The following NINL variants were observed in gnomAD, a reference collection of about 807,000 sequenced individuals.
NINL encodes the protein ninein-like protein.
Under a neutral mutation model 160.3 loss-of-function variants are expected in NINL, and 153 were observed. The observed-to-expected ratio is 0.95, with a 90% CI of 0.84 to 1.09. NINL has a LOEUF of 1.09. Ranked by LOEUF, NINL falls within the 50% of genes least tolerant of loss-of-function variation. The pLI is 0.00. For synonymous variants in NINL, 800 were observed against 734.8 expected (o/e 1.09, Z -1.43); for missense variants, 1,829 against 1,764.0 (o/e 1.04, Z -0.66).
intron 19 of NINL, among the ~76,000 whole-genome samples, chr20:25,464,696 C>G (rs1021790340): frequency 5.3e-5 from 8 of 152,288 alleles, no homozygotes; most frequent in African/African-American, 1.7e-4. Flanking sequence ...CCTTGATGTC[C>G]CCACACTTCA....
intron 1 of NINL, among the ~76,000 whole-genome samples, chr20:25,527,697 G>A (rs991298540): frequency 5.9e-5 from 9 of 152,134 alleles, no homozygotes; most frequent in African/African-American, 9.7e-5. Context: ...TATGCTATTT[G>A]TAACTGTCAA....
In NINL at chr20:25,585,208, C is replaced by G. The variant is rs1380017937; in HGVS notation, c.-12+247G>C. On this transcript the variant is annotated intron_variant, in intron 1 of 23. Coordinates refer to ENST00000278886, the MANE Select transcript of NINL (RefSeq NM_025176.6). ...CGCCGCCGTCGGGAAACCGGGTTTT[C>G]AAGCGTTCGGCCCAGCGGGCGCTGT... Among the ~76,000 whole-genome samples, 7 of 152,314 alleles carry G rather than the reference C, an allele frequency of 4.6e-5. No individual in the cohort carries two copies. In the East Asian group the frequency reaches 1.2e-3, roughly 25 times the overall value.
At chr20:25,558,886 T>G (rs1432014415) in intron 1 of NINL, among the ~76,000 whole-genome samples, 9 of 152,220 alleles carry the variant, frequency 5.9e-5, no homozygotes, top group Non-Finnish European at 1.2e-4. Flanking sequence ...AACAGACACT[T>G]GCAGATTCAA....
chr20:25,533,932 G>C (rs1001162109), intron 1 of NINL, among the ~76,000 whole-genome samples: 1 of 152,204 alleles, frequency 6.6e-6, no homozygotes, highest in Non-Finnish European at 1.5e-5. Flanking sequence ...TCTTAGATAT[G>C]TCACTAAAAG....
chr20:25,455,060 C>A (rs1320189720), intron 23 of NINL, among the ~76,000 whole-genome samples: 1 of 152,164 alleles, frequency 6.6e-6, no homozygotes, highest in Non-Finnish European at 1.5e-5. Context: ...TCCTCCATGG[C>A]TGTCCGCTGC....
chr20:25,462,330 C>T, intron 20 of NINL, 53 bp downstream of exon 20: 6 of 1,411,924 alleles, frequency 4.2e-6, no homozygotes, highest in Non-Finnish European at 5.8e-6. Context: ...AGCCGCCTCC[C>T]CACCCTGAGC....
At chr20:25,495,500 A>G (rs2063734381) in intron 10 of NINL, among the ~76,000 whole-genome samples, 2 of 152,124 alleles carry the variant, frequency 1.3e-5, no homozygotes, top group African/African-American at 2.4e-5. Flanking sequence ...CCAAGAACCC[A>G]AGGGCGTGGG....
chr20:25,470,843 A>G, intron 17 of NINL, among the ~76,000 whole-genome samples: 1 of 152,168 alleles, frequency 6.6e-6, no homozygotes, highest in Non-Finnish European at 1.5e-5. Context: ...AAAACAAAAA[A>G]GATCACCAGT....
At chr20:25,558,920 C>T (rs868031834) in intron 1 of NINL, among the ~76,000 whole-genome samples, 1 of 152,340 alleles carries the variant, frequency 6.6e-6, no homozygotes. Flanking sequence ...AATATCAAGC[C>T]GCAGAAGCGA....
intron 13 of NINL, among the ~76,000 whole-genome samples, chr20:25,485,522 C>T (rs1007795694): frequency 6.6e-6 from 1 of 152,198 alleles, no homozygotes; most frequent in Non-Finnish European, 1.5e-5. Flanking sequence ...ATATGACCCT[C>T]GGATGCTAAA....
In NINL at chr20:25,583,797, A is replaced by C. The variant is rs796778075; in HGVS notation, c.-12+1658T>G. ...CACCATGGAATACTACGTAGCCATA[A>C]AAAAGAATGAGTTCATGTCCTTTGC... On this transcript the variant is annotated intron_variant, in intron 1 of 23. Coordinates refer to ENST00000278886, the MANE Select transcript of NINL (RefSeq NM_025176.6). Among the ~76,000 whole-genome samples, 61 of 152,362 alleles carry C rather than the reference A, an allele frequency of 4.0e-4. 1 individual carries two copies. Among genetic ancestry groups the C allele is most frequent in the African/African-American group, 1.4e-3 (58 of 41,586 alleles).
At chr20:25,509,188 T>C (rs1367194115) in intron 5 of NINL, among the ~76,000 whole-genome samples, 2 of 152,100 alleles carry the variant, frequency 1.3e-5, no homozygotes, top group Non-Finnish European at 1.5e-5. Context: ...AGCCACCAGG[T>C]GAGACAGTTG....
At chr20:25,528,384 T>C (rs1488204419) in intron 1 of NINL, among the ~76,000 whole-genome samples, 3 of 152,106 alleles carry the variant, frequency 2.0e-5, no homozygotes, top group Non-Finnish European at 2.9e-5. Flanking sequence ...TGTAGAAGAA[T>C]AAAAACTTTA....
At chr20:25,560,942 A>C (rs763551031) in intron 1 of NINL, among the ~76,000 whole-genome samples, 17 of 151,784 alleles carry the variant, frequency 1.1e-4, no homozygotes, top group Non-Finnish European at 2.1e-4. Flanking sequence ...AAGAAATGCT[A>C]AACAAAGTTC....
intron 13 of NINL, 85 bp from the exon 14 acceptor site, chr20:25,482,185 C>G: frequency 6.7e-7 from 1 of 1,488,754 alleles, no homozygotes; most frequent in Non-Finnish European, 9.0e-7. Flanking sequence ...CAGGGGGGTC[C>G]CTTGCAGGTG....
chr20:25,458,538 G>A lies in NINL; in HGVS notation c.3697-9C>T, dbSNP rs1376024319. 2 of 1,581,222 alleles carry A rather than the reference G, an allele frequency of 1.3e-6. No homozygotes were observed. Among genetic ancestry groups the A allele is most frequent in the Non-Finnish European group, 1.7e-6 (2 of 1,170,016 alleles). On this transcript the variant is annotated splice_polypyrimidine_tract_variant and intron_variant, in intron 21 of 23. Transcript: ENST00000278886. Reference sequence around the variant, plus strand: ...AGGTGAGCTCCCTGCACCTGCATGGGGAAGGGGAGACAGCTCTGGTGGGGC... The same window carrying A: ...AGGTGAGCTCCCTGCACCTGCATGGAGAAGGGGAGACAGCTCTGGTGGGGC...
intron 1 of NINL, among the ~76,000 whole-genome samples, chr20:25,574,410 C>T (rs2065091438): frequency 6.6e-6 from 1 of 151,810 alleles, no homozygotes; most frequent in Non-Finnish European, 1.5e-5. Context: ...CATTGAAATG[C>T]TTTAAAATGC....
intron 1 of NINL, among the ~76,000 whole-genome samples, chr20:25,581,629 A>G (rs1796733601): frequency 6.6e-6 from 1 of 152,166 alleles, no homozygotes; most frequent in Admixed American, 6.6e-5. Flanking sequence ...AAAGTGGGAT[A>G]TGTGTGTTTA....
chr20:25,561,968 G>A (rs1462041687), intron 1 of NINL, among the ~76,000 whole-genome samples: 2 of 139,234 alleles, frequency 1.4e-5, no homozygotes, highest in East Asian at 2.2e-4. Context: ...CCCCCCACCC[G>A]GCCAGCCACC....
Sources: gnomAD v4.1 joint callset for allele counts (sites outside exome capture counted in the v4.1 genomes callset) on GRCh38, gnomAD v4.1.1 for gene constraint, MANE v1.5 for transcripts, NCBI Gene and HGNC (gene_info 2026-07-23, HGNC 2026-07-21) for gene names.